Variants in ENAH observed in about 807,000 individuals in gnomAD.
ENAH encodes protein enabled homolog.
ENAH carries 23 observed loss-of-function variants against 78.7 expected under a neutral mutation model. The ratio of observed to expected loss-of-function variants is 0.29; its 90% CI spans 0.21 to 0.41. The LOEUF (loss-of-function observed/expected upper bound fraction) is 0.41, where lower values mean the gene tolerates loss of function less well. ENAH is among the 10% of genes least tolerant of loss of function. The pLI is 1.00. For missense variants in ENAH, 544 were observed against 691.0 expected, an observed-to-expected ratio of 0.79 and a Z score of 2.39; for synonymous variants, 226 against 241.0, an observed-to-expected ratio of 0.94 and a Z score of 0.58.
intron 11 of ENAH, among the ~76,000 whole-genome samples, chr1:225,506,983 A>G: frequency 6.6e-6 from 1 of 152,290 alleles, no homozygotes; most frequent in Admixed American, 6.5e-5. Context: ...GTTTCTAAAT[A>G]CATACTTTTT....
intron 4 of ENAH, among the ~76,000 whole-genome samples, chr1:225,523,547 C>G (rs2096485149): frequency 6.6e-6 from 1 of 151,972 alleles, no homozygotes; most frequent in South Asian, 2.1e-4. Flanking sequence ...GCAGGAGATT[C>G]TTACTATTTT....
intron 1 of ENAH, among the ~76,000 whole-genome samples, chr1:225,635,483 A>G (rs916536099): frequency 6.6e-6 from 1 of 152,124 alleles, no homozygotes; most frequent in African/African-American, 2.4e-5. Flanking sequence ...ATCTTTGCAT[A>G]TATTTATTTT....
At chr1:225,597,750 A>T (rs1022446967) in intron 1 of ENAH, among the ~76,000 whole-genome samples, 1 of 151,944 alleles carries the variant, frequency 6.6e-6, no homozygotes, top group African/African-American at 2.4e-5. Context: ...AACAAAAAAG[A>T]GTATTTTTCT....
At chr1:225,617,935 A>G (rs969835785) in intron 1 of ENAH, among the ~76,000 whole-genome samples, 2 of 152,252 alleles carry the variant, frequency 1.3e-5, no homozygotes, top group African/African-American at 4.8e-5. Context: ...AAGGGAAGGC[A>G]TAACATTTTT....
At chr1:225,519,641 G>C (rs1033661950) in intron 4 of ENAH, 76 bp from the exon 5 acceptor site, 1 of 1,531,442 alleles carries the variant, frequency 6.5e-7, no homozygotes, top group African/African-American at 1.4e-5. Context: ...TTTCACCTAT[G>C]TAAACTATTT....
chr1:225,536,038 A>G (rs2096559950), intron 3 of ENAH, among the ~76,000 whole-genome samples: 2 of 152,142 alleles, frequency 1.3e-5, no homozygotes, highest in Admixed American at 6.6e-5. Flanking sequence ...GAAAGAGACC[A>G]AAGCCATTAT....
At chr1:225,615,070 C>G (rs2148174576) in intron 1 of ENAH, among the ~76,000 whole-genome samples, 1 of 151,790 alleles carries the variant, frequency 6.6e-6, no homozygotes, top group Admixed American at 6.6e-5. Context: ...CCCTCTCTCT[C>G]CACGGTCTCC....
chr1:225,651,982 G>A (rs1421896139), intron 1 of ENAH, among the ~76,000 whole-genome samples: 1 of 152,128 alleles, frequency 6.6e-6, no homozygotes. Context: ...AGAGCAAAGG[G>A]AAAAAGCAGC....
rs1343405411 is a variant in ENAH at position 225,646,500 on chromosome 1, G to A, written c.5+6186C>T. 2.6e-5 allele frequency among the ~76,000 whole-genome samples: 4 copies of A among 152,120 alleles called. 1 individual carries two copies. The highest frequency in any genetic ancestry group is 5.9e-5 in the Non-Finnish European group (4 of 68,032). ...CATCCATACTGGCAACCTGATCTCT[G>A]ACTTCCAGCCTCCAGAACCTTAAAA... is the stretch of plus-strand genomic sequence containing the variant. On this transcript the variant is annotated intron_variant, in intron 1 of 13. Coordinates refer to ENST00000366843, the MANE Select transcript of ENAH (RefSeq NM_018212.6).
chr1:225,566,228 A>T (rs1242238442), intron 2 of ENAH, among the ~76,000 whole-genome samples: 1 of 151,932 alleles, frequency 6.6e-6, no homozygotes, highest in Non-Finnish European at 1.5e-5. Context: ...TACGGGGTGT[A>T]GCCCCTCTAA....
chr1:225,520,801 A>G (rs1455786554), intron 4 of ENAH, among the ~76,000 whole-genome samples: 6 of 152,138 alleles, frequency 3.9e-5, no homozygotes, highest in Non-Finnish European at 8.8e-5. Context: ...GGCTACAGTA[A>G]GATAAGATTG....
intron 1 of ENAH, among the ~76,000 whole-genome samples, chr1:225,597,963 ATTC>A (rs2147966986): frequency 6.6e-6 from 1 of 150,744 alleles, no homozygotes; most frequent in East Asian, 1.9e-4. Flanking sequence ...AAATATTAAT[ATTC>A]TTTTCCAGTT....
At chr1:225,557,762 A>T (rs1449767398) in intron 2 of ENAH, among the ~76,000 whole-genome samples, 2 of 152,212 alleles carry the variant, frequency 1.3e-5, no homozygotes, top group Non-Finnish European at 2.9e-5. Context: ...CAGAGGTTGC[A>T]GTGAGCTGAG....
At chr1:225,601,097 A>G (rs1227313225) in intron 1 of ENAH, among the ~76,000 whole-genome samples, 2 of 152,200 alleles carry the variant, frequency 1.3e-5, no homozygotes, top group African/African-American at 4.8e-5. Flanking sequence ...CTTAAAATAT[A>G]TTCAACAATT....
chr1:225,501,763 G>C (rs1008884764), intron 11 of ENAH, among the ~76,000 whole-genome samples: 1 of 152,148 alleles, frequency 6.6e-6, no homozygotes, highest in Non-Finnish European at 1.5e-5. Flanking sequence ...AAATAAAAAG[G>C]ATATGCCAGA....
rs1414858905 is a variant in ENAH, at chr1:225,652,750, G to T, written c.-60C>A. On this transcript the variant is annotated 5_prime_UTR_variant, in exon 1 of 14. Coordinates refer to ENST00000366843, the MANE Select transcript of ENAH (RefSeq NM_018212.6). ...GGAGACGCAGAAGGCGCCGAGCCGA[G>T]GGGGGGGTCTCTCCTCCAGGGGTGG... 5.5e-6 allele frequency: 7 copies of T among 1,266,860 alleles called. No individual in the cohort carries two copies. Among genetic ancestry groups the T allele is most frequent in the African/African-American group, 3.3e-5 (2 of 61,126 alleles). 78.5% of individuals were successfully genotyped at this position (1,266,860 alleles called of 1,614,324 possible). A position where few individuals can be genotyped will look rare whatever the true frequency, so the allele number is the denominator to read the frequency against.
intron 1 of ENAH, among the ~76,000 whole-genome samples, chr1:225,597,655 C>CAAAAAAAAAAA (rs565567062): frequency 6.5e-5 from 4 of 61,180 alleles, no homozygotes; most frequent in Admixed American, 3.9e-4. Context: ...AAGAGCATCT[C>CAAAAAAAAAAA]AAAAAAAAAA....
At chr1:225,615,506 T>C (rs989168261) in intron 1 of ENAH, among the ~76,000 whole-genome samples, 4 of 149,304 alleles carry the variant, frequency 2.7e-5, no homozygotes, top group Middle Eastern at 3.5e-3. Flanking sequence ...GGCCGCCCAT[T>C]GTCTGGGATG....
At chr1:225,598,394 G>C (rs1181185877) in intron 1 of ENAH, among the ~76,000 whole-genome samples, 3 of 151,658 alleles carry the variant, frequency 2.0e-5, no homozygotes, top group Non-Finnish European at 4.4e-5. Flanking sequence ...AAAAAAAAAG[G>C]AAAAGACAGA....
Sources: allele counts gnomAD v4.1 joint callset (sites outside exome capture counted in the v4.1 genomes callset), GRCh38; gene constraint gnomAD v4.1.1; transcripts MANE v1.5; gene names NCBI Gene and HGNC (gene_info 2026-07-23, HGNC 2026-07-21).